ITIH5: variants seen among roughly 807,000 people sequenced by gnomAD.
The protein encoded by ITIH5 is inter-alpha-trypsin inhibitor heavy chain H5.
In ITIH5, 65 loss-of-function variants were observed where a neutral mutation model predicts 77.5. The ratio of observed to expected loss-of-function variants is 0.84; its 90% CI spans 0.69 to 1.03. The LOEUF is 1.03. Among genes scored for constraint, ITIH5 ranks in the 50% least tolerant of loss-of-function variants. ITIH5 has a pLI of 0.00. For missense variants in ITIH5, 1,208 were observed against 1,213.1 expected (o/e 1.00, Z 0.06); for synonymous variants, 525 against 494.3 (o/e 1.06, Z -0.82).
chr10:7,612,549 C>T (rs1025306918), intron 7 of ITIH5, among the ~76,000 whole-genome samples: 7 of 151,884 alleles, frequency 4.6e-5, no homozygotes, highest in African/African-American at 7.3e-5. Context: ...ACAAACTATT[C>T]GGTAGTCACA....
chr10:7,596,075 AGCTG>A (rs1424892666), intron 7 of ITIH5, among the ~76,000 whole-genome samples: 1 of 152,238 alleles, frequency 6.6e-6, no homozygotes, highest in Non-Finnish European at 1.5e-5. Context: ...CCTTCAGTAC[AGCTG>A]GCAATGGTCT....
At chr10:7,573,955 G>C (rs574467442) in intron 10 of ITIH5, among the ~76,000 whole-genome samples, 1 of 152,064 alleles carries the variant, frequency 6.6e-6, no homozygotes. Context: ...ACCTAACATC[G>C]CTTACCAGCA....
At chr10:7,621,094 T>C (rs1368055431) in intron 5 of ITIH5, 2 of 152,246 alleles carry the variant, frequency 1.3e-5, no homozygotes, top group African/African-American at 4.8e-5. Flanking sequence ...TTCCGGTTTT[T>C]GCCCATAGAA....
chr10:7,576,891 T>C lies in ITIH5; in HGVS notation c.1540A>G (p.Ile514Val), dbSNP rs1249243530. ...PNYFNGSEII[I>V]AGKLVDRKLD... ...TTCCTGTCCACCAGCTTCCCCGCAATGATGATCTCCGAGCCGTTGAAGTAG... is the reference window on the plus strand; with the variant it reads ...TTCCTGTCCACCAGCTTCCCCGCAACGATGATCTCCGAGCCGTTGAAGTAG... The change falls in exon 10 of 14, where the codon ATT (isoleucine) becomes GTT (valine). Residue 514 changes from isoleucine to valine, a missense_variant. By Grantham distance (29) the Ile-to-Val change is conservative. Coordinates refer to ENST00000397146, the MANE Select transcript of ITIH5 (RefSeq NM_030569.7). 1 of 1,614,120 alleles carries C rather than the reference T, an allele frequency of 6.2e-7. No homozygotes were observed. The highest frequency in any genetic ancestry group is 2.2e-5 in the East Asian group (1 of 44,882).
At chr10:7,568,545 G>A (rs1205822540) in intron 12 of ITIH5, among the ~76,000 whole-genome samples, 1 of 151,874 alleles carries the variant, frequency 6.6e-6, no homozygotes, top group Non-Finnish European at 1.5e-5. Flanking sequence ...ATTTGGCTCT[G>A]AGGCTATAAA....
At chr10:7,658,368 T>C (rs1020596830) in intron 1 of ITIH5, among the ~76,000 whole-genome samples, 1 of 152,160 alleles carries the variant, frequency 6.6e-6, no homozygotes, top group African/African-American at 2.4e-5. Context: ...TACTATTCAA[T>C]AGAACATGGG....
rs946028490 is a variant in ITIH5 at position 7,582,163 on chromosome 10, A to C, written c.1109-2099T>G. Among the ~76,000 whole-genome samples, 3 of 152,220 alleles carry C rather than the reference A, an allele frequency of 2.0e-5. No homozygotes were observed. In the South Asian group the frequency reaches 6.2e-4, roughly 32 times the overall value. On this transcript the variant is annotated intron_variant, in intron 8 of 13. Transcript: ENST00000397146. ...TGCTGGGATTACTGGCAGGGGCCACAGCACCTGGCCCCATGTATTCTTAAA... is the reference window on the plus strand; with the variant it reads ...TGCTGGGATTACTGGCAGGGGCCACCGCACCTGGCCCCATGTATTCTTAAA...
chr10:7,644,899 ACATATATATAT>A (rs1833982226), intron 2 of ITIH5, among the ~76,000 whole-genome samples: 1 of 44,472 alleles, frequency 2.2e-5, no homozygotes, highest in South Asian at 9.4e-4. Flanking sequence ...TATATATATC[ACATATATATAT>A]CACATATATA....
At position 7,606,317 on chromosome 10, in the gene ITIH5, G is replaced by A. The variant is rs565723342; in HGVS notation, c.939+9665C>T. Among the ~76,000 whole-genome samples the A allele has an allele frequency of 2.0e-5, 3 of 152,244 alleles. No individual in the cohort carries two copies. In the East Asian group the frequency reaches 5.8e-4, roughly 29 times the overall value. ...CACACATATGCATATGTTTATGGCA[G>A]CACTGTTCTCAAGACCAAAGACATG... On this transcript the variant is annotated intron_variant, in intron 7 of 13. Transcript: ENST00000397146.
intron 8 of ITIH5, among the ~76,000 whole-genome samples, chr10:7,582,172 C>T (rs1832579161): frequency 6.6e-6 from 1 of 152,112 alleles, no homozygotes; most frequent in Admixed American, 6.5e-5. Context: ...CAGCACCTGG[C>T]CCCATGTATT....
At chr10:7,569,523 AGTGCG>A in intron 12 of ITIH5, 140 bp downstream of exon 12, 1 of 531,890 alleles carries the variant, frequency 1.9e-6, no homozygotes, top group South Asian at 3.3e-5. Flanking sequence ...CCAGGAGCGC[AGTGCG>A]CTTCCCTTAA....
chr10:7,595,563 G>A (rs1044766227), intron 7 of ITIH5, among the ~76,000 whole-genome samples: 5 of 152,066 alleles, frequency 3.3e-5, no homozygotes, highest in Non-Finnish European at 2.9e-5. Context: ...CTTCTTATAC[G>A]TACTTCACTT....
intron 7 of ITIH5, chr10:7,600,465 C>A (rs567340046): frequency 6.8e-6 from 3 of 443,592 alleles, no homozygotes; most frequent in Admixed American, 4.8e-5. Context: ...CTGCCATCAA[C>A]CCAGCCCTGC....
chr10:7,612,664 T>G (rs1014490446), intron 7 of ITIH5, among the ~76,000 whole-genome samples: 11 of 152,014 alleles, frequency 7.2e-5, no homozygotes, highest in Admixed American at 2.0e-4. Flanking sequence ...CTGTGTTTTT[T>G]TTTTTTTTTT....
rs1832043928 is a variant in ITIH5, at chr10:7,561,739, T to C, written c.*1344A>G. 6.6e-6 allele frequency: 1 copy of C among 152,264 alleles called. No individual in the cohort carries two copies. The highest frequency in any genetic ancestry group is 1.5e-5 in the Non-Finnish European group (1 of 68,058). The allele number at this position is 152,264 out of a possible 1,614,324, so 9.4% of individuals were successfully genotyped here. ...TTAACTCAGCTTTTCCTCCCAGTGCTAAGCATGCCTTCTCATTTCACGCGG... is the reference window on the plus strand; with the variant it reads ...TTAACTCAGCTTTTCCTCCCAGTGCCAAGCATGCCTTCTCATTTCACGCGG... On this transcript the variant is annotated 3_prime_UTR_variant, in exon 14 of 14. Coordinates refer to ENST00000397146, the MANE Select transcript of ITIH5 (RefSeq NM_030569.7).
intron 5 of ITIH5, among the ~76,000 whole-genome samples, chr10:7,626,511 G>C (rs1265682687): frequency 6.6e-6 from 1 of 152,198 alleles, no homozygotes; most frequent in African/African-American, 2.4e-5. Flanking sequence ...AAGGTACAGA[G>C]ATTTCGCAGA....
At chr10:7,644,289 C>G (rs1833934871) in intron 2 of ITIH5, among the ~76,000 whole-genome samples, 1 of 148,086 alleles carries the variant, frequency 6.8e-6, no homozygotes, top group African/African-American at 2.5e-5. Context: ...GTATATATAT[C>G]ATATATATCA....
In ITIH5 at chr10:7,616,032, C is replaced by T; in HGVS notation, c.889G>A (p.Val297Ile). 1 of 1,613,708 alleles carries T rather than the reference C, an allele frequency of 6.2e-7. No homozygotes were observed. The highest frequency in any genetic ancestry group is 8.5e-7 in the Non-Finnish European group (1 of 1,179,660). Residue 297 changes from valine (V) to isoleucine (I), a missense_variant, in exon 7 of 14, where the codon GTA becomes ATA. By Grantham distance (29) the Val-to-Ile change is conservative (BLOSUM62 3). Coordinates refer to ENST00000397146, the MANE Select transcript of ITIH5 (RefSeq NM_030569.7). ...KDLPPLPKNV[V>I]FVLDSSASMV... ...GAAGCACTGCTGTCAAGCACGAATA[C>T]CACATTCTTGGGTAAAGGAGGAAGG...
intron 7 of ITIH5, chr10:7,600,563 C>T (rs1478169531): frequency 6.6e-6 from 3 of 456,716 alleles, no homozygotes; most frequent in Admixed American, 4.7e-5. Flanking sequence ...GTTACACGTG[C>T]ACCTAGAAGA....
Sources: gnomAD v4.1 joint callset for allele counts (sites outside exome capture counted in the v4.1 genomes callset) on GRCh38, gnomAD v4.1.1 for gene constraint, MANE v1.5 for transcripts, NCBI Gene and HGNC (gene_info 2026-07-23, HGNC 2026-07-21) for gene names.